CNTN4: variants seen among roughly 807,000 people sequenced by gnomAD.
The protein encoded by CNTN4 is contactin 4, also known as contactin-4.
Under a neutral mutation model 122.5 loss-of-function variants are expected in CNTN4, and 77 were observed. The ratio of observed to expected loss-of-function variants is 0.63; its 90% CI spans 0.52 to 0.76. CNTN4 has a LOEUF of 0.76. Ranked by LOEUF, CNTN4 falls within the 30% of genes least tolerant of loss-of-function variation. CNTN4 has a pLI of 0.00. For missense variants in CNTN4, 1,256 were observed against 1,259.1 expected, an observed-to-expected ratio of 1.00 and a Z score of 0.04; for synonymous variants, 512 against 447.0, an observed-to-expected ratio of 1.15 and a Z score of -1.83.
intron 4 of CNTN4, among the ~76,000 whole-genome samples, chr3:2,654,600 C>G (rs2083500232): frequency 1.3e-5 from 2 of 152,128 alleles, no homozygotes; most frequent in African/African-American, 2.4e-5. Flanking sequence ...CTAGTCAGGT[C>G]AGTCCACAAG....
At chr3:2,587,829 T>TG (rs1415309176) in intron 4 of CNTN4, among the ~76,000 whole-genome samples, 2 of 151,960 alleles carry the variant, frequency 1.3e-5, no homozygotes, top group African/African-American at 4.8e-5. Flanking sequence ...TCTTTCTTTC[T>TG]TTTTTTTCTT....
At chr3:3,030,738 CT>C (rs1699093118) in intron 15 of CNTN4, 116 bp from the exon 16 acceptor site, 3 of 1,233,612 alleles carry the variant, frequency 2.4e-6, no homozygotes, top group Admixed American at 1.7e-5. Flanking sequence ...GTTTGCATCA[CT>C]AATGCTTTCA....
intron 2 of CNTN4, among the ~76,000 whole-genome samples, chr3:2,166,718 T>G (rs1403256129): frequency 6.6e-6 from 1 of 152,158 alleles, no homozygotes; most frequent in East Asian, 1.9e-4. Flanking sequence ...CACTGAAGAC[T>G]TAGAAGCTTG....
intron 14 of CNTN4, among the ~76,000 whole-genome samples, chr3:3,001,680 C>T (rs144462835): frequency 9.8e-4 from 149 of 152,222 alleles, no homozygotes; most frequent in African/African-American, 3.4e-3. Context: ...ATTTGACACG[C>T]AGTATTAAGT....
intron 4 of CNTN4, among the ~76,000 whole-genome samples, chr3:2,648,707 T>C (rs2083236634): frequency 1.3e-5 from 2 of 152,112 alleles, no homozygotes; most frequent in African/African-American, 4.8e-5. Context: ...AGTGTTCAAA[T>C]GAGAGGAAGA....
intron 3 of CNTN4, among the ~76,000 whole-genome samples, chr3:2,486,352 C>T (rs2076162479): frequency 6.6e-6 from 1 of 152,168 alleles, no homozygotes. Context: ...CCACCAATTC[C>T]AGATACACTA....
chr3:2,490,607 T>G (rs1437887908), intron 3 of CNTN4, among the ~76,000 whole-genome samples: 1 of 152,232 alleles, frequency 6.6e-6, no homozygotes, highest in Non-Finnish European at 1.5e-5. Flanking sequence ...CAGTTTTATA[T>G]TTGTGCACTA....
intron 12 of CNTN4, among the ~76,000 whole-genome samples, chr3:2,907,072 C>T (rs1220155759): frequency 6.6e-6 from 1 of 152,036 alleles, no homozygotes; most frequent in Non-Finnish European, 1.5e-5. Flanking sequence ...AAGACATCTG[C>T]CTATTTAAAG....
rs59790353 is a variant in CNTN4, at chr3:2,961,231, C to CAAAAAAAAAAAAAAAAAAA, written c.1359-27113_1359-27095dup. 1.7e-3 allele frequency among the ~76,000 whole-genome samples: 65 copies of CAAAAAAAAAAAAAAAAAAA among 37,230 alleles called. 3 individuals carry two copies. Among genetic ancestry groups the CAAAAAAAAAAAAAAAAAAA allele is most frequent in the East Asian group, 0.014 (9 of 630 alleles). The allele number at this position is 37,230 out of a possible 152,430, so 24.4% of individuals were successfully genotyped here. ...GGCGACAGAACGAGACTCCATCTCA[C>CAAAAAAAAAAAAAAAAAAA]AAAAAAAAAAAAAAAAAAAGGCCTA... is the stretch of plus-strand genomic sequence containing the variant. On this transcript the variant is annotated intron_variant, in intron 13 of 24. Transcript: ENST00000418658.
chr3:2,706,476 AT>A (rs1265612315), intron 4 of CNTN4, among the ~76,000 whole-genome samples: 1 of 152,172 alleles, frequency 6.6e-6, no homozygotes, highest in Non-Finnish European at 1.5e-5. Context: ...CTGAAGTCAC[AT>A]TTGCAATTTG....
At chr3:2,579,788 T>C (rs1000260707) in intron 4 of CNTN4, among the ~76,000 whole-genome samples, 2 of 152,202 alleles carry the variant, frequency 1.3e-5, no homozygotes, top group African/African-American at 4.8e-5. Flanking sequence ...TTAATGTTTA[T>C]GTTAAATGTT....
rs145524270 is a variant in CNTN4 at position 2,300,412 on chromosome 3, C to G, written c.-144-38766C>G. On this transcript the variant is annotated intron_variant, in intron 2 of 24. Coordinates refer to ENST00000418658, the MANE Select transcript of CNTN4 (RefSeq NM_175607.3). ...TTTGCATGTTTTATCTTAAGCAATA[C>G]TTTTTCCTTAAAACCAAAGACATTG... is the stretch of plus-strand genomic sequence containing the variant. Among the ~76,000 whole-genome samples, 13 of 152,138 alleles carry G rather than the reference C, an allele frequency of 8.5e-5. No individual in the cohort carries two copies. In the East Asian group the frequency reaches 2.3e-3, roughly 27 times the overall value.
intron 13 of CNTN4, among the ~76,000 whole-genome samples, chr3:2,987,176 A>G (rs1694655701): frequency 6.6e-6 from 1 of 152,230 alleles, no homozygotes. Flanking sequence ...ATACTCTGGA[A>G]TATGCAGAAG....
intron 3 of CNTN4, among the ~76,000 whole-genome samples, chr3:2,486,155 T>C (rs1486776524): frequency 6.6e-6 from 1 of 151,968 alleles, no homozygotes; most frequent in African/African-American, 2.4e-5. Context: ...GCTGTAACAC[T>C]CACTGCGAAG....
At chr3:2,210,926 A>G (rs1384389687) in intron 2 of CNTN4, among the ~76,000 whole-genome samples, 2 of 152,252 alleles carry the variant, frequency 1.3e-5, no homozygotes, top group Non-Finnish European at 2.9e-5. Flanking sequence ...TGTTTAGCCC[A>G]TAAAACAATT....
chr3:2,116,634 T>G (rs767887410), intron 2 of CNTN4, among the ~76,000 whole-genome samples: 7 of 152,148 alleles, frequency 4.6e-5, no homozygotes, highest in Non-Finnish European at 1.0e-4. Flanking sequence ...AAAAGTGTTC[T>G]TAACAAAAAC....
At chr3:2,320,728 G>A (rs1220201769) in intron 2 of CNTN4, among the ~76,000 whole-genome samples, 1 of 152,122 alleles carries the variant, frequency 6.6e-6, no homozygotes, top group African/African-American at 2.4e-5. Flanking sequence ...AACCATGCAT[G>A]CTGATGACTT....
rs376687987 is a variant in CNTN4 at position 2,497,900 on chromosome 3, T to TATGA, written c.-88-73515_-88-73512dup. 1.9e-3 allele frequency among the ~76,000 whole-genome samples: 285 copies of TATGA among 152,242 alleles called. 1 individual carries two copies. Among genetic ancestry groups the TATGA allele is most frequent in the African/African-American group, 6.5e-3 (270 of 41,556 alleles). On this transcript the variant is annotated intron_variant, in intron 3 of 24. Coordinates refer to ENST00000418658, the MANE Select transcript of CNTN4 (RefSeq NM_175607.3). Reference sequence around the variant, plus strand: ...TGATCGGCACCACATAGACCATAAATATGAGTTGAGTGAATCCTCTCAGTT... The same window carrying TATGA: ...TGATCGGCACCACATAGACCATAAATATGAATGAGTTGAGTGAATCCTCTCAGTT...
chr3:2,170,264 G>C (rs184284856), intron 2 of CNTN4, among the ~76,000 whole-genome samples: 2 of 151,966 alleles, frequency 1.3e-5, no homozygotes, highest in Non-Finnish European at 2.9e-5. Flanking sequence ...AGCTTGCAGT[G>C]AGCCGAGATC....
Sources: gnomAD v4.1 joint callset for allele counts (sites outside exome capture counted in the v4.1 genomes callset) on GRCh38, gnomAD v4.1.1 for gene constraint, MANE v1.5 for transcripts, NCBI Gene and HGNC (gene_info 2026-07-23, HGNC 2026-07-21) for gene names.